C10orf90: variants seen among roughly 807,000 people sequenced by gnomAD.
C10orf90 encodes the protein chromosome 10 open reading frame 90.
Under a neutral mutation model 62.5 loss-of-function variants are expected in C10orf90, and 56 were observed. The observed-to-expected ratio is 0.90, with a 90% CI of 0.72 to 1.12. The LOEUF (loss-of-function observed/expected upper bound fraction) is 1.12, where lower values mean the gene tolerates loss of function less well. C10orf90 is among the 50% of genes most tolerant of loss of function. C10orf90 has a pLI of 0.00. For synonymous variants in C10orf90, 386 were observed against 340.4 expected, an observed-to-expected ratio of 1.13 and a Z score of -1.47; for missense variants, 970 against 880.4, an observed-to-expected ratio of 1.10 and a Z score of -1.29.
At chr10:126,630,217 TCAC>T (rs1255376599) in intron 2 of C10orf90, among the ~76,000 whole-genome samples, 3 of 152,144 alleles carry the variant, frequency 2.0e-5, no homozygotes. Flanking sequence ...CCCTCGTACT[TCAC>T]CAACACGCTG....
intron 2 of C10orf90, among the ~76,000 whole-genome samples, chr10:126,628,224 T>C (rs964451654): frequency 1.3e-5 from 2 of 152,242 alleles, no homozygotes; most frequent in Non-Finnish European, 2.9e-5. Context: ...TAAAGATTTC[T>C]GGCTTTGACA....
chr10:126,565,190 T>TA (rs1844326616), intron 2 of C10orf90, among the ~76,000 whole-genome samples: 4 of 22,954 alleles, frequency 1.7e-4, no homozygotes, highest in African/African-American at 2.3e-4. Flanking sequence ...TAATATAATA[T>TA]TTATATTACA....
At chr10:126,452,357 C>G (rs1285777995) in intron 7 of C10orf90, among the ~76,000 whole-genome samples, 3 of 151,970 alleles carry the variant, frequency 2.0e-5, no homozygotes, top group Non-Finnish European at 4.4e-5. Flanking sequence ...GTAACTTCAC[C>G]GTTTGCTCCA....
chr10:126,557,911 T>G (rs995270329), intron 2 of C10orf90, among the ~76,000 whole-genome samples: 1 of 151,898 alleles, frequency 6.6e-6, no homozygotes. Context: ...CGACTCCTCC[T>G]AAGTTTTTGC....
chr10:126,665,461 A>G (rs2133877416), intron 1 of C10orf90, among the ~76,000 whole-genome samples: 1 of 152,288 alleles, frequency 6.6e-6, no homozygotes, highest in Admixed American at 6.5e-5. Flanking sequence ...CTTTTATTTT[A>G]CAAGACTGAA....
At chr10:126,649,878 T>G (rs979872432) in intron 1 of C10orf90, among the ~76,000 whole-genome samples, 2 of 151,400 alleles carry the variant, frequency 1.3e-5, no homozygotes, top group African/African-American at 4.9e-5. Flanking sequence ...TGGGTGTTAA[T>G]GAGAAACACA....
At chr10:126,649,952 A>G (rs907794067) in intron 1 of C10orf90, among the ~76,000 whole-genome samples, 4 of 151,936 alleles carry the variant, frequency 2.6e-5, no homozygotes, top group African/African-American at 9.7e-5. Flanking sequence ...TAGTAAGGGA[A>G]AAGGTAGAAT....
chr10:126,495,757 T>C (rs1862012048), intron 4 of C10orf90, among the ~76,000 whole-genome samples: 1 of 152,194 alleles, frequency 6.6e-6, no homozygotes, highest in South Asian at 2.1e-4. Flanking sequence ...CATTTTTTGC[T>C]CTATTTTCCA....
At chr10:126,539,776 T>A (rs921896310) in intron 2 of C10orf90, among the ~76,000 whole-genome samples, 2 of 152,252 alleles carry the variant, frequency 1.3e-5, no homozygotes, top group African/African-American at 2.4e-5. Flanking sequence ...GTGAATTTTT[T>A]AATTTCATAT....
At chr10:126,444,859 A>G (rs764185514) in intron 7 of C10orf90, among the ~76,000 whole-genome samples, 4 of 152,160 alleles carry the variant, frequency 2.6e-5, no homozygotes, top group Non-Finnish European at 5.9e-5. Context: ...GAACCCAAAA[A>G]TAAGCTCAAA....
chr10:126,440,414 C>A (rs1858229984), intron 7 of C10orf90, among the ~76,000 whole-genome samples: 1 of 152,152 alleles, frequency 6.6e-6, no homozygotes, highest in African/African-American at 2.4e-5. Flanking sequence ...TGAGCTCAGA[C>A]ATGCCCAGCT....
chr10:126,563,230 G>A lies in C10orf90; in HGVS notation c.314-49291C>T, dbSNP rs557184761. Among the ~76,000 whole-genome samples, 8 of 152,288 alleles carry A rather than the reference G, an allele frequency of 5.3e-5. No homozygotes were observed. In the South Asian group the frequency reaches 1.7e-3, roughly 32 times the overall value. ...GTTCATTGGCACTGCAGTAGCGTGG[G>A]GCTAAAGAGGGGCCACTCGTCCACC... On this transcript the variant is annotated intron_variant, in intron 2 of 9. Coordinates refer to ENST00000488181, the MANE Select transcript of C10orf90 (RefSeq NM_001350921.2).
chr10:126,637,514 C>T (rs1450896704), intron 2 of C10orf90, among the ~76,000 whole-genome samples: 3 of 152,220 alleles, frequency 2.0e-5, no homozygotes, highest in African/African-American at 4.8e-5. Context: ...TTCATCAAAT[C>T]CAAATCAACC....
chr10:126,617,889 A>G (rs554454846), intron 2 of C10orf90, among the ~76,000 whole-genome samples: 1 of 152,376 alleles, frequency 6.6e-6, no homozygotes, highest in South Asian at 2.1e-4. Flanking sequence ...GGGAGAGATC[A>G]TCAGTCACAA....
At chr10:126,508,194 T>C (rs1233032314) in intron 3 of C10orf90, among the ~76,000 whole-genome samples, 1 of 82,506 alleles carries the variant, frequency 1.2e-5, no homozygotes, top group Non-Finnish European at 2.9e-5. Flanking sequence ...AGAGAGAGTG[T>C]GTGTGTGTGT....
intron 2 of C10orf90, among the ~76,000 whole-genome samples, chr10:126,608,325 T>C (rs1181319617): frequency 2.6e-5 from 4 of 152,102 alleles, no homozygotes; most frequent in Non-Finnish European, 5.9e-5. Flanking sequence ...TTGCCCAGGC[T>C]GGTCTCAAAC....
chr10:126,616,179 G>T (rs1363787026), intron 2 of C10orf90, among the ~76,000 whole-genome samples: 1 of 152,146 alleles, frequency 6.6e-6, no homozygotes, highest in African/African-American at 2.4e-5. Context: ...TCTGTTCTAG[G>T]TGTGGAATAA....
intron 2 of C10orf90, among the ~76,000 whole-genome samples, chr10:126,550,274 C>T (rs896212295): frequency 8.6e-5 from 13 of 151,672 alleles, no homozygotes; most frequent in African/African-American, 2.2e-4. Context: ...GCATTCTTGA[C>T]GTGACAAAAT....
intron 4 of C10orf90, among the ~76,000 whole-genome samples, chr10:126,467,207 C>T (rs1383563660): frequency 6.6e-6 from 1 of 152,182 alleles, no homozygotes; most frequent in Non-Finnish European, 1.5e-5. Context: ...GATGTTCAGG[C>T]TGTGACTTGG....
Sources: gnomAD v4.1 joint callset for allele counts (sites outside exome capture counted in the v4.1 genomes callset) on GRCh38, gnomAD v4.1.1 for gene constraint, MANE v1.5 for transcripts, NCBI Gene and HGNC (gene_info 2026-07-23, HGNC 2026-07-21) for gene names.